PCTP: variants seen among roughly 807,000 people sequenced by gnomAD.
PCTP encodes phosphatidylcholine transfer protein.
Under a neutral mutation model 31.0 loss-of-function variants are expected in PCTP, and 27 were observed. The observed-to-expected ratio is 0.87, with a 90% confidence interval of 0.64 to 1.20. The LOEUF is 1.20. Among genes scored for constraint, PCTP ranks in the 50% most tolerant of loss-of-function variants. PCTP has a pLI of 0.00. For synonymous variants in PCTP, 108 were observed against 101.2 expected (o/e 1.07, Z -0.40); for missense variants, 287 against 268.2 (o/e 1.07, Z -0.49).
chr17:55,778,840 G>A (rs1187143616), downstream of PCTP, among the ~76,000 whole-genome samples: 1 of 152,110 alleles, frequency 6.6e-6, no homozygotes, highest in Non-Finnish European at 1.5e-5. Context: ...TTTTCCACAG[G>A]CAAATTATTC....
chr17:55,765,477 G>A (rs1277952270), intron 1 of PCTP, among the ~76,000 whole-genome samples: 1 of 152,038 alleles, frequency 6.6e-6, no homozygotes, highest in Admixed American at 6.6e-5. Context: ...GATCTATCAG[G>A]AATTCCTTTT....
chr17:55,774,532 G>T lies in PCTP; in HGVS notation c.512-260G>T, dbSNP rs532600608. 5.3e-5 allele frequency among the ~76,000 whole-genome samples: 8 copies of T among 152,306 alleles called. No homozygotes were observed. The East Asian group carries it at 1.5e-3, about 29-fold the overall frequency. The stretch of plus-strand genomic sequence containing the variant: ...CTTAGGATTGCTAGAATAATTGAAT[G>T]AGAGGCTATATTCAAGTGTCCAGCA... On this transcript the variant is annotated intron_variant, in intron 4 of 5. Coordinates refer to ENST00000268896, the MANE Select transcript of PCTP (RefSeq NM_021213.4).
chr17:55,820,237 C>A (rs1318737183), intron 3 of PCTP, among the ~76,000 whole-genome samples: 1 of 152,178 alleles, frequency 6.6e-6, no homozygotes, highest in African/African-American at 2.4e-5. Context: ...AGACAATGCA[C>A]AGAATGGGAG....
intron 1 of PCTP, among the ~76,000 whole-genome samples, chr17:55,757,458 AC>A (rs1910098902): frequency 6.6e-6 from 1 of 151,234 alleles, no homozygotes; most frequent in Non-Finnish European, 1.5e-5. Context: ...ACACACACAC[AC>A]ACACACACAC....
Position 55,773,738 on chromosome 17 carries a change from G to C in PCTP, c.354G>C (p.Arg118=). ...TGGCTATGCAGTATGTCTACCTTCG[G>C]CAGCGGCGAGACCTGGACATGGAAG... ...PMSNRDYVYL[R]QRRDLDMEGR... Residue 118 remains arginine, a synonymous_variant, in exon 4 of 6, where the codon CGG becomes CGC. Coordinates refer to ENST00000268896, the MANE Select transcript of PCTP (RefSeq NM_021213.4). 1 of 1,613,060 alleles carries C rather than the reference G, an allele frequency of 6.2e-7. No individual in the cohort carries two copies.
chr17:55,795,363 T>C (rs1448106722), intron 3 of PCTP, among the ~76,000 whole-genome samples: 1 of 152,026 alleles, frequency 6.6e-6, no homozygotes, highest in Non-Finnish European at 1.5e-5. Context: ...CCAAGGGACT[T>C]ATTCATAGAG....
intron 1 of PCTP, among the ~76,000 whole-genome samples, chr17:55,762,141 A>G (rs985797289): frequency 6.6e-6 from 1 of 152,200 alleles, no homozygotes; most frequent in Non-Finnish European, 1.5e-5. Flanking sequence ...CAGATCAGAG[A>G]ATACTTTTCC....
chr17:55,807,829 C>T (rs1339926265), intron 3 of PCTP, among the ~76,000 whole-genome samples: 1 of 152,126 alleles, frequency 6.6e-6, no homozygotes, highest in African/African-American at 2.4e-5. Flanking sequence ...CAATCTATTA[C>T]ATTTGAAAAT....
intron 3 of PCTP, among the ~76,000 whole-genome samples, chr17:55,798,544 G>A (rs1176926442): frequency 1.3e-5 from 2 of 151,802 alleles, no homozygotes; most frequent in African/African-American, 4.8e-5. Context: ...TAACTTATAA[G>A]AAATTATAAA....
downstream of PCTP, among the ~76,000 whole-genome samples, chr17:55,845,918 GTGTGTGTGTA>G (rs1472681513): frequency 3.2e-4 from 48 of 151,558 alleles, no homozygotes; most frequent in African/African-American, 1.1e-3. Flanking sequence ...GTGTGTGTGT[GTGTGTGTGTA>G]TGTGTGTGTG....
At chr17:55,775,690 C>CAAGT in intron 5 of PCTP, 1 of 1,208,950 alleles carries the variant, frequency 8.3e-7, no homozygotes, top group Non-Finnish European at 1.0e-6. Context: ...TTCAGTAAAG[C>CAAGT]AAGTGCTTTC....
At position 55,774,789 on chromosome 17, in the gene PCTP, T is replaced by C; in HGVS notation, c.512-3T>C. On this transcript the variant is annotated splice_region_variant and splice_polypyrimidine_tract_variant and intron_variant, in intron 4 of 5. Coordinates refer to ENST00000268896, the MANE Select transcript of PCTP (RefSeq NM_021213.4). ...CTGAATTGTCCTTTCTTTCCCTCTC[T>C]AGTTTTCATGTATTACTTCGATAAC... 2 of 1,598,450 alleles carry C rather than the reference T, an allele frequency of 1.3e-6. No individual in the cohort carries two copies. Among genetic ancestry groups the C allele is most frequent in the South Asian group, 1.1e-5 (1 of 90,862 alleles).
Position 55,817,071 on chromosome 17 carries a change from C to G in PCTP, c.318-5690C>G, listed in dbSNP as rs1191929983. Among the ~76,000 whole-genome samples the G allele has an allele frequency of 2.0e-5, 3 of 152,214 alleles. No individual in the cohort carries two copies. In the East Asian group the frequency reaches 5.8e-4, roughly 29 times the overall value. Reference sequence around the variant, plus strand: ...CAGTATGGTCTGTTAGATAAATGACCAGGAGTAATATTTCTTAAAACCACA... The same window carrying G: ...CAGTATGGTCTGTTAGATAAATGACGAGGAGTAATATTTCTTAAAACCACA... On this transcript the variant is annotated intron_variant, in intron 3 of 3. Coordinates refer to the PCTP transcript ENST00000572536.
Position 55,776,426 on chromosome 17 carries a change from C to T in PCTP, c.*326C>T. On this transcript the variant is annotated 3_prime_UTR_variant, in exon 6 of 6. Transcript: ENST00000268896. Reference sequence around the variant, plus strand: ...GCTTACTATTAGGAGGGGAAGTCTTCAGTAGGGAACACGATCATTCCATTG... The same window carrying T: ...GCTTACTATTAGGAGGGGAAGTCTTTAGTAGGGAACACGATCATTCCATTG... The T allele has an allele frequency of 8.1e-7, 1 of 1,240,480 alleles. No individual in the cohort carries two copies. Among genetic ancestry groups the T allele is most frequent in the Non-Finnish European group, 1.0e-6 (1 of 993,506 alleles). The allele number at this position is 1,240,480 out of a possible 1,614,324, so 76.8% of individuals were successfully genotyped here. A position where few individuals can be genotyped will look rare whatever the true frequency, so the allele number is the denominator to read the frequency against.
chr17:55,772,010 C>A (rs1384282895), intron 3 of PCTP, among the ~76,000 whole-genome samples: 1 of 152,166 alleles, frequency 6.6e-6, no homozygotes, highest in Non-Finnish European at 1.5e-5. Flanking sequence ...AGATGAACTG[C>A]CAACACTTCA....
chr17:55,816,218 C>G (rs551331844), intron 3 of PCTP, among the ~76,000 whole-genome samples: 2 of 152,302 alleles, frequency 1.3e-5, no homozygotes, highest in Non-Finnish European at 2.9e-5. Context: ...TTTTCATGAT[C>G]ACCCCCAAAG....
intron 3 of PCTP, among the ~76,000 whole-genome samples, chr17:55,819,224 T>C (rs1336120722): frequency 6.6e-6 from 1 of 152,066 alleles, no homozygotes; most frequent in African/African-American, 2.4e-5. Flanking sequence ...GGCTAAAAGC[T>C]TTCCCCCTAA....
In PCTP at chr17:55,815,643, G is replaced by A. The variant is rs78283645; in HGVS notation, c.318-7118G>A. Among the ~76,000 whole-genome samples, 455 of 152,228 alleles carry A rather than the reference G, an allele frequency of 3.0e-3. 1 individual carries two copies. The highest frequency in any genetic ancestry group is 0.011 in the African/African-American group (439 of 41,528). ...TAGACTGGAGAAGGTACAGTAACAG[G>A]CAGCTTCTTGTTAGTCTAAAGGAAA... is the stretch of plus-strand genomic sequence containing the variant. On this transcript the variant is annotated intron_variant, in intron 3 of 3. Coordinates refer to the PCTP transcript ENST00000572536.
At chr17:55,802,676 C>A (rs1912427078) in intron 3 of PCTP, among the ~76,000 whole-genome samples, 1 of 152,110 alleles carries the variant, frequency 6.6e-6, no homozygotes, top group East Asian at 1.9e-4. Context: ...CCCTTTCATG[C>A]TAAAAACTCT....
Sources: allele counts gnomAD v4.1 joint callset (sites outside exome capture counted in the v4.1 genomes callset), GRCh38; gene constraint gnomAD v4.1.1; transcripts MANE v1.5; gene names NCBI Gene and HGNC (gene_info 2026-07-23, HGNC 2026-07-21).